EFL1: variants seen among roughly 807,000 people sequenced by gnomAD.
EFL1 encodes the protein elongation factor-like GTPase 1.
A neutral mutation model predicts 126.7 loss-of-function variants in EFL1; 76 were observed. The observed-to-expected ratio is 0.60, with a 90% CI of 0.50 to 0.73. The LOEUF is 0.73. Among genes scored for constraint, EFL1 ranks in the 30% least tolerant of loss-of-function variants. The pLI is 0.00. For synonymous variants in EFL1, 410 were observed against 448.4 expected (o/e 0.91, Z 1.08); for missense variants, 1,128 against 1,343.2 (o/e 0.84, Z 2.50).
At chr15:82,144,952 CACTGT>C (rs1488975028) in intron 18 of EFL1, among the ~76,000 whole-genome samples, 1 of 151,198 alleles carries the variant, frequency 6.6e-6, no homozygotes, top group Non-Finnish European at 1.5e-5. Context: ...AGGATCGTGC[CACTGT>C]ACTCCAGCTG....
At chr15:82,261,936 T>C (rs1454247980) in intron 1 of EFL1, 139 bp from the exon 2 acceptor site, 21 of 607,362 alleles carry the variant, frequency 3.5e-5, no homozygotes, top group South Asian at 2.7e-4. Flanking sequence ...ATTGATGAGA[T>C]AGACCACCAA....
intron 11 of EFL1, among the ~76,000 whole-genome samples, chr15:82,227,086 G>A (rs978160229): frequency 1.3e-5 from 2 of 152,154 alleles, no homozygotes; most frequent in African/African-American, 4.8e-5. Context: ...AGTGGTTTGG[G>A]GGCAGGGTTA....
At chr15:82,156,016 C>T (rs948202432) in intron 17 of EFL1, among the ~76,000 whole-genome samples, 5 of 152,154 alleles carry the variant, frequency 3.3e-5, no homozygotes, top group Non-Finnish European at 5.9e-5. Flanking sequence ...TCTAACCCTG[C>T]GGTCAGCCTC....
chr15:82,176,490 A>G (rs2074197401), intron 15 of EFL1, among the ~76,000 whole-genome samples: 1 of 152,218 alleles, frequency 6.6e-6, no homozygotes, highest in Non-Finnish European at 1.5e-5. Flanking sequence ...AAATCAATAC[A>G]AAAAAGGCAG....
intron 4 of EFL1, among the ~76,000 whole-genome samples, chr15:82,244,151 A>G (rs1336700595): frequency 2.0e-5 from 3 of 152,070 alleles, no homozygotes; most frequent in African/African-American, 4.8e-5. Context: ...AACCCTTTCC[A>G]AACAACGTTA....
chr15:82,192,991 CTG>C (rs1232478104), intron 15 of EFL1, among the ~76,000 whole-genome samples: 1 of 152,138 alleles, frequency 6.6e-6, no homozygotes, highest in African/African-American at 2.4e-5. Flanking sequence ...GATGAGGAGA[CTG>C]TTATTTTGAC....
Position 82,225,213 on chromosome 15 carries a change from G to C in EFL1, c.1244C>G (p.Ser415Cys), listed in dbSNP as rs777018324. The change falls in exon 12 of 20, where the codon TCC becomes TGC. Residue 415 changes from serine (S) to cysteine (C), a missense_variant. Ser to Cys is a moderately radical substitution (Grantham distance 112). Coordinates refer to ENST00000268206, the MANE Select transcript of EFL1 (RefSeq NM_024580.6). The stretch of plus-strand genomic sequence containing the variant: ...CTTAGCATCAACTGCAAACATTTTG[G>C]AAACAAATATAATAACTGGAGCAGT... ...EDTAPVIIFV[S>C]KMFAVDAKAL... The C allele has an allele frequency of 1.9e-6, 3 of 1,611,128 alleles. No individual in the cohort carries two copies. Among genetic ancestry groups the C allele is most frequent in the South Asian group, 2.2e-5 (2 of 90,678 alleles).
intron 15 of EFL1, among the ~76,000 whole-genome samples, chr15:82,166,938 T>C (rs2141245803): frequency 6.6e-6 from 1 of 152,324 alleles, no homozygotes; most frequent in East Asian, 1.9e-4. Flanking sequence ...TCAACTGGAA[T>C]TGGGGGATGA....
intron 2 of EFL1, among the ~76,000 whole-genome samples, chr15:82,261,145 G>A (rs1308873585): frequency 1.3e-5 from 2 of 152,024 alleles, no homozygotes; most frequent in Non-Finnish European, 2.9e-5. Context: ...TACTAATTAT[G>A]TTGTGAGGTC....
chr15:82,253,261 A>G (rs951982263), intron 3 of EFL1, among the ~76,000 whole-genome samples: 1 of 151,566 alleles, frequency 6.6e-6, no homozygotes, highest in Non-Finnish European at 1.5e-5. Context: ...GCTGGTCTTG[A>G]GCTCCTGACC....
chr15:82,148,006 T>C (rs773368978), intron 18 of EFL1, among the ~76,000 whole-genome samples: 2 of 152,082 alleles, frequency 1.3e-5, no homozygotes, highest in Non-Finnish European at 2.9e-5. Context: ...CCAAAATGAG[T>C]GGGACCAGAA....
chr15:82,207,592 T>C (rs1230870094), intron 15 of EFL1, among the ~76,000 whole-genome samples: 1 of 152,124 alleles, frequency 6.6e-6, no homozygotes, highest in East Asian at 1.9e-4. Flanking sequence ...TATGTTGTGT[T>C]TTCTTACCAC....
intron 15 of EFL1, among the ~76,000 whole-genome samples, chr15:82,182,120 T>C (rs901516420): frequency 6.6e-6 from 1 of 152,102 alleles, no homozygotes; most frequent in Non-Finnish European, 1.5e-5. Flanking sequence ...TAGCCAGCTG[T>C]GGTGGCACAC....
At chr15:82,178,974 T>C (rs1445362659) in intron 15 of EFL1, among the ~76,000 whole-genome samples, 1 of 151,420 alleles carries the variant, frequency 6.6e-6, no homozygotes, top group African/African-American at 2.4e-5. Flanking sequence ...TCAAAACAAA[T>C]AAAAAATAAA....
chr15:82,238,209 G>A, intron 7 of EFL1, 98 bp downstream of exon 7: 2 of 1,313,078 alleles, frequency 1.5e-6, no homozygotes, highest in South Asian at 1.4e-5. Context: ...TACAACTATA[G>A]GTGAATCTAT....
At chr15:82,132,706 T>TGGCA (rs1300778710) in intron 19 of EFL1, among the ~76,000 whole-genome samples, 2 of 86,008 alleles carry the variant, frequency 2.3e-5, no homozygotes, top group Non-Finnish European at 4.8e-5. Context: ...GTAGGCAGAG[T>TGGCA]GGCAGACAAG....
At chr15:82,190,568 G>A (rs1206639240) in intron 15 of EFL1, among the ~76,000 whole-genome samples, 3 of 152,186 alleles carry the variant, frequency 2.0e-5, no homozygotes, top group Non-Finnish European at 4.4e-5. Flanking sequence ...TGTTCAAATC[G>A]GTGGTCTCCA....
chr15:82,226,283 C>T (rs902852306), intron 11 of EFL1, among the ~76,000 whole-genome samples: 6 of 152,200 alleles, frequency 3.9e-5, no homozygotes, highest in African/African-American at 1.4e-4. Context: ...ATCCTCCTGC[C>T]TCAGCCTCCC....
rs2074836136 is a variant in EFL1 at position 82,232,855 on chromosome 15, A to T, written c.732-1884T>A. ...TTTATTGGTATAATCATTTATTGGT[A>T]CAACTGTTTTGATCAGTTAGATTTC... On this transcript the variant is annotated intron_variant, in intron 7 of 19. Coordinates refer to ENST00000268206, the MANE Select transcript of EFL1 (RefSeq NM_024580.6). 2.0e-5 allele frequency among the ~76,000 whole-genome samples: 3 copies of T among 152,116 alleles called. 1 individual carries two copies. The South Asian group carries it at 6.2e-4, about 31-fold the overall frequency.
Sources: allele counts gnomAD v4.1 joint callset (sites outside exome capture counted in the v4.1 genomes callset), GRCh38; gene constraint gnomAD v4.1.1; transcripts MANE v1.5; gene names NCBI Gene and HGNC (gene_info 2026-07-23, HGNC 2026-07-21).